PRKN: variants seen among roughly 807,000 people sequenced by gnomAD.
The protein encoded by PRKN is E3 ubiquitin-protein ligase parkin.
A neutral mutation model predicts 59.5 loss-of-function variants in PRKN; 56 were observed. The observed-to-expected ratio is 0.94, with a 90% CI of 0.76 to 1.18. The LOEUF (loss-of-function observed/expected upper bound fraction) is 1.18, where lower values mean the gene tolerates loss of function less well. Among genes scored for constraint, PRKN ranks in the 50% most tolerant of loss-of-function variants. The pLI, the probability that PRKN is intolerant of heterozygous loss-of-function variation, is 0.00. For synonymous variants in PRKN, 250 were observed against 222.1 expected (o/e 1.13, Z -1.12); for missense variants, 657 against 596.4 (o/e 1.10, Z -1.06).
At chr6:161,656,139 C>T (rs978179456) in intron 7 of PRKN, among the ~76,000 whole-genome samples, 13 of 152,152 alleles carry the variant, frequency 8.5e-5, no homozygotes, top group Non-Finnish European at 1.6e-4. Flanking sequence ...TATTAACTTG[C>T]GGGAAGATGA....
intron 1 of PRKN, among the ~76,000 whole-genome samples, chr6:162,699,957 C>T (rs1164929670): frequency 6.6e-6 from 1 of 152,168 alleles, no homozygotes; most frequent in Non-Finnish European, 1.5e-5. Flanking sequence ...AACACCACAC[C>T]TAGAACCCTG....
At chr6:161,351,795 C>T (rs972963651) in intron 11 of PRKN, among the ~76,000 whole-genome samples, 3 of 152,154 alleles carry the variant, frequency 2.0e-5, no homozygotes, top group Non-Finnish European at 4.4e-5. Flanking sequence ...TAGAATTTCC[C>T]CAAGGTGAAG....
intron 1 of PRKN, among the ~76,000 whole-genome samples, chr6:162,527,460 T>A (rs1209578493): frequency 1.3e-5 from 2 of 152,072 alleles, no homozygotes; most frequent in Non-Finnish European, 2.9e-5. Flanking sequence ...TAAGTGAAAA[T>A]CACTTCATAC....
intron 6 of PRKN, among the ~76,000 whole-genome samples, chr6:161,845,439 C>G (rs569089304): frequency 7.4e-4 from 113 of 152,288 alleles, no homozygotes; most frequent in African/African-American, 2.6e-3. Context: ...CCCAAGGATG[C>G]TAGCACACCA....
In PRKN at chr6:161,473,747, C is replaced by T. The variant is rs924949624; in HGVS notation, c.1083+75107G>A. On this transcript the variant is annotated intron_variant, in intron 9 of 11. Coordinates refer to ENST00000366898, the MANE Select transcript of PRKN (RefSeq NM_004562.3). The surrounding 1 kb of genome is among the most constrained non-coding windows in gnomAD (Gnocchi z 4.1). ...ACTGTATACGTATGAAAAAAGTAACCATGAAGATGATAAGTATGTTAATTT... is the reference window on the plus strand; with the variant it reads ...ACTGTATACGTATGAAAAAAGTAACTATGAAGATGATAAGTATGTTAATTT... Among the ~76,000 whole-genome samples the T allele has an allele frequency of 1.3e-5, 2 of 151,966 alleles. No homozygotes were observed. The highest frequency in any genetic ancestry group is 4.8e-5 in the African/African-American group (2 of 41,350).
At chr6:162,307,986 G>C (rs375074627) in intron 2 of PRKN, among the ~76,000 whole-genome samples, 1 of 152,188 alleles carries the variant, frequency 6.6e-6, no homozygotes, top group South Asian at 2.1e-4. Context: ...TGACATTTAA[G>C]GATTAAAGGC....
At chr6:161,540,873 C>T (rs1779592249) in intron 9 of PRKN, among the ~76,000 whole-genome samples, 1 of 152,192 alleles carries the variant, frequency 6.6e-6, no homozygotes, top group Admixed American at 6.5e-5. Flanking sequence ...GCTCTCTGCT[C>T]CACCTCTCTG....
intron 6 of PRKN, among the ~76,000 whole-genome samples, chr6:161,855,834 T>C (rs1193140607): frequency 6.6e-6 from 1 of 152,192 alleles, no homozygotes; most frequent in African/African-American, 2.4e-5. Context: ...GCTATAGATA[T>C]AAAAATCCTT....
In PRKN at chr6:162,214,254, G is replaced by A. The variant is rs115326331; in HGVS notation, c.413-13002C>T. Among the ~76,000 whole-genome samples the A allele has an allele frequency of 3.0e-3, 456 of 152,262 alleles. 12 individuals are homozygous for A. The highest frequency in any genetic ancestry group is 0.01 in the African/African-American group (433 of 41,556). On this transcript the variant is annotated intron_variant, in intron 3 of 11. Transcript: ENST00000366898. ...AGAGTTCTATGACTTCCAATTGCACGCACTTTGTTTCAGCTGTACCATCTT... is the reference window on the plus strand; with the variant it reads ...AGAGTTCTATGACTTCCAATTGCACACACTTTGTTTCAGCTGTACCATCTT...
intron 6 of PRKN, among the ~76,000 whole-genome samples, chr6:161,841,483 G>T (rs1305979468): frequency 1.3e-5 from 2 of 152,042 alleles, no homozygotes; most frequent in South Asian, 2.1e-4. Flanking sequence ...CTGAGTAGCT[G>T]GGATTACAGG....
intron 6 of PRKN, among the ~76,000 whole-genome samples, chr6:161,846,252 C>A (rs1372608382): frequency 1.3e-5 from 2 of 152,086 alleles, no homozygotes; most frequent in African/African-American, 4.8e-5. Flanking sequence ...TTCGAGCGAC[C>A]AAGTCCTGCT....
chr6:162,662,198 G>A (rs932072716), intron 1 of PRKN, among the ~76,000 whole-genome samples: 6 of 151,594 alleles, frequency 4.0e-5, no homozygotes, highest in African/African-American at 9.7e-5. Flanking sequence ...CTCCAAAAAG[G>A]ACAATCTGAA....
At chr6:161,726,122 T>C (rs942380612) in intron 7 of PRKN, among the ~76,000 whole-genome samples, 5 of 152,240 alleles carry the variant, frequency 3.3e-5, no homozygotes, top group African/African-American at 1.2e-4. Context: ...TCTGCGGCCC[T>C]GCTATGAGAC....
Position 161,423,975 on chromosome 6 carries a change from A to G in PRKN, c.1084-37098T>C, listed in dbSNP as rs1431977529. On this transcript the variant is annotated intron_variant, in intron 9 of 11. Transcript: ENST00000366898. The surrounding 1 kb of genome is among the most constrained non-coding windows in gnomAD (Gnocchi z 5.9). ...CCAATGAAGGTCAATGTCAAAGCAC[A>G]AGGCTGGTATTGAGACTGGAGTACG... Among the ~76,000 whole-genome samples, 1 of 152,198 alleles carries G rather than the reference A, an allele frequency of 6.6e-6. No homozygotes were observed. The highest frequency in any genetic ancestry group is 1.5e-5 in the Non-Finnish European group (1 of 68,038).
intron 7 of PRKN, among the ~76,000 whole-genome samples, chr6:161,570,804 TC>T (rs1038520267): frequency 5.9e-5 from 9 of 152,198 alleles, no homozygotes; most frequent in African/African-American, 2.2e-4. Context: ...ATGTTGGTGT[TC>T]CTAAGCCTCA....
At chr6:162,676,791 G>A (rs948093944) in intron 1 of PRKN, among the ~76,000 whole-genome samples, 3 of 152,054 alleles carry the variant, frequency 2.0e-5, no homozygotes, top group Admixed American at 6.6e-5. Flanking sequence ...GGCTGGACGC[G>A]GTGGCTCACG....
At chr6:162,248,182 G>C (rs1223862331) in intron 3 of PRKN, among the ~76,000 whole-genome samples, 1 of 152,160 alleles carries the variant, frequency 6.6e-6, no homozygotes, top group Admixed American at 6.5e-5. Context: ...CCTGGGTTCA[G>C]TTTGTGTACA....
At chr6:162,120,655 G>A (rs1780873952) in intron 4 of PRKN, among the ~76,000 whole-genome samples, 2 of 152,200 alleles carry the variant, frequency 1.3e-5, no homozygotes, top group Non-Finnish European at 2.9e-5. Flanking sequence ...TCCTGAATAT[G>A]TAATTAGAAC....
chr6:161,794,423 C>T (rs931791937), intron 6 of PRKN, among the ~76,000 whole-genome samples: 4 of 152,066 alleles, frequency 2.6e-5, no homozygotes, highest in Admixed American at 6.6e-5. Context: ...ACATCAGCAC[C>T]GAGGCTGTCT....
Sources: gnomAD v4.1 joint callset for allele counts (sites outside exome capture counted in the v4.1 genomes callset) on GRCh38, gnomAD v4.1.1 for gene constraint, Gnocchi (gnomAD v3.1) non-coding constraint, MANE v1.5 for transcripts, NCBI Gene and HGNC (gene_info 2026-07-23, HGNC 2026-07-21) for gene names.